RPGRIP1L: variants seen among roughly 807,000 people sequenced by gnomAD.
RPGRIP1L encodes the protein RPGRIP1 like, also known as protein fantom.
Under a neutral mutation model 160.4 loss-of-function variants are expected in RPGRIP1L, and 131 were observed. That is an observed-to-expected ratio of 0.82 (90% CI 0.71 to 0.94). The LOEUF (loss-of-function observed/expected upper bound fraction) is 0.94. Among genes scored for constraint, RPGRIP1L ranks in the 40% least tolerant of loss-of-function variants. The pLI is 0.00. For missense variants in RPGRIP1L, 1,522 were observed against 1,535.8 expected, an observed-to-expected ratio of 0.99 and a Z score of 0.15; for synonymous variants, 510 against 515.8, an observed-to-expected ratio of 0.99 and a Z score of 0.15.
At chr16:53,651,674 T>C (rs959179863) in intron 15 of RPGRIP1L, among the ~76,000 whole-genome samples, 1 of 152,144 alleles carries the variant, frequency 6.6e-6, no homozygotes, top group African/African-American at 2.4e-5. Context: ...GAGAAGCCCT[T>C]ACCTGAATTT....
At chr16:53,606,958 T>A (rs1963728490) in intron 25 of RPGRIP1L, among the ~76,000 whole-genome samples, 1 of 152,084 alleles carries the variant, frequency 6.6e-6, no homozygotes, top group African/African-American at 2.4e-5. Flanking sequence ...TAGGTCAAAA[T>A]CAAAGTTAAC....
intron 22 of RPGRIP1L, among the ~76,000 whole-genome samples, chr16:53,624,525 CAG>C (rs1567806827): frequency 2.0e-5 from 3 of 150,980 alleles, no homozygotes; most frequent in African/African-American, 7.3e-5. Flanking sequence ...GTCTAGGTGA[CAG>C]AGCGAGACTC....
chr16:53,681,116 C>A (rs905077055), intron 6 of RPGRIP1L, among the ~76,000 whole-genome samples: 1 of 151,786 alleles, frequency 6.6e-6, no homozygotes, highest in Non-Finnish European at 1.5e-5. Flanking sequence ...AAAGAGTGAG[C>A]CCTGAAAGCC....
intron 21 of RPGRIP1L, among the ~76,000 whole-genome samples, chr16:53,637,438 A>G (rs1427556711): frequency 8.5e-5 from 13 of 152,216 alleles, no homozygotes; most frequent in Admixed American, 8.5e-4. Flanking sequence ...AAAACTGTTT[A>G]AAACATAAAT....
At chr16:53,611,956 C>T (rs545940468) in intron 24 of RPGRIP1L, among the ~76,000 whole-genome samples, 26 of 152,290 alleles carry the variant, frequency 1.7e-4, no homozygotes, top group African/African-American at 6.0e-4. Flanking sequence ...AAAGATATCA[C>T]GATAGTTCTA....
At chr16:53,660,564 TA>T (rs66703223) in intron 10 of RPGRIP1L, among the ~76,000 whole-genome samples, 8,731 of 142,178 alleles carry the variant, frequency 0.061, 419 homozygotes, top group East Asian at 0.31. Flanking sequence ...AATAAAAAAA[TA>T]AAAAAAAAAA....
chr16:53,702,543 T>C (rs1971520729), intron 1 of RPGRIP1L, among the ~76,000 whole-genome samples: 1 of 152,218 alleles, frequency 6.6e-6, no homozygotes. Context: ...GAACCCCCCA[T>C]ACCCTTGTCT....
At chr16:53,628,874 T>C (rs1965335948) in intron 22 of RPGRIP1L, 1 of 152,350 alleles carries the variant, frequency 6.6e-6, no homozygotes. Context: ...TAAATTACTA[T>C]GTCCTTGCAG....
intron 1 of RPGRIP1L, among the ~76,000 whole-genome samples, chr16:53,702,124 T>TG (rs1313458542): frequency 6.6e-6 from 1 of 152,228 alleles, no homozygotes. Flanking sequence ...GCTTACTATG[T>TG]GCCAGGTACT....
chr16:53,682,737 T>G (rs887923261), intron 6 of RPGRIP1L, among the ~76,000 whole-genome samples: 5 of 152,142 alleles, frequency 3.3e-5, no homozygotes, highest in Non-Finnish European at 7.4e-5. Flanking sequence ...CCATATTCAG[T>G]GTTGAGAGGT....
At chr16:53,677,403 C>T (rs1032911843) in intron 6 of RPGRIP1L, among the ~76,000 whole-genome samples, 2 of 151,994 alleles carry the variant, frequency 1.3e-5, no homozygotes, top group African/African-American at 2.4e-5. Context: ...ATTACTTTTA[C>T]GTATCAGTTT....
In RPGRIP1L at chr16:53,641,471, T is replaced by C; in HGVS notation, c.2688A>G (p.Ile896Met). Reference sequence around the variant, plus strand: ...GCTTTTGATGGTCTGTTAACTCAAATATTCCTGTCAAATTACAATAATTTT... The same window carrying C: ...GCTTTTGATGGTCTGTTAACTCAAACATTCCTGTCAAATTACAATAATTTT... ...SLAHDRCISGIFELTDHQKHP... is the reference protein window; with the variant it reads ...SLAHDRCISGMFELTDHQKHP... Residue 896 changes from isoleucine (I) to methionine (M), a missense_variant, in exon 18 of 27, where the codon ATA becomes ATG. Physicochemically the swap from Ile to Met is conservative, Grantham distance 10. Transcript: ENST00000647211. The C allele has an allele frequency of 6.2e-7, 1 of 1,612,158 alleles. No homozygotes were observed. The highest frequency in any genetic ancestry group is 8.5e-7 in the Non-Finnish European group (1 of 1,178,288).
chr16:53,691,803 G>A (rs1465775202), intron 4 of RPGRIP1L, among the ~76,000 whole-genome samples: 3 of 152,074 alleles, frequency 2.0e-5, no homozygotes, highest in African/African-American at 4.8e-5. Flanking sequence ...CAACCCAAAC[G>A]CAATTCAACT....
At chr16:53,628,105 A>T (rs1259584665) in intron 22 of RPGRIP1L, among the ~76,000 whole-genome samples, 1 of 151,306 alleles carries the variant, frequency 6.6e-6, no homozygotes, top group Admixed American at 6.6e-5. Context: ...AATTGGTATT[A>T]TTTATAAAAA....
At chr16:53,678,917 G>C (rs1969402620) in intron 6 of RPGRIP1L, among the ~76,000 whole-genome samples, 1 of 152,168 alleles carries the variant, frequency 6.6e-6, no homozygotes, top group Admixed American at 6.5e-5. Flanking sequence ...GGGATACACA[G>C]ATAACAATCA....
chr16:53,622,261 G>A lies in RPGRIP1L; in HGVS notation c.3390C>T (p.Ala1130=), dbSNP rs749377120. 1.5e-6 allele frequency: 1 copy of A among 662,934 alleles called. No individual in the cohort carries two copies. Among genetic ancestry groups the A allele is most frequent in the Middle Eastern group, 3.9e-4 (1 of 2,572 alleles). The allele number at this position is 662,934 out of a possible 1,614,324, so 41.1% of individuals were successfully genotyped here. A position where few individuals can be genotyped will look rare whatever the true frequency, so the allele number is the denominator to read the frequency against. The part of the protein sequence containing the change: ...LPGSSDFPAS[A]SQVDGITGAC... ...CACCTGTAATCCCATCTACTTGGGA[G>A]GCTGAGGCAGGAAAATCGCTGGAAC... Residue 1130 remains alanine (A), a synonymous_variant, in exon 23 of 27, where the codon GCC becomes GCT. Coordinates refer to ENST00000647211, the MANE Select transcript of RPGRIP1L (RefSeq NM_015272.5).
At chr16:53,659,810 G>A (rs553678195) in intron 10 of RPGRIP1L, 1 of 152,202 alleles carries the variant, frequency 6.6e-6, no homozygotes, top group African/African-American at 2.4e-5. Context: ...AGCCTGGGGA[G>A]TTGAGGCTGC....
chr16:53,624,426 G>A (rs562609743), intron 22 of RPGRIP1L, among the ~76,000 whole-genome samples: 156 of 151,976 alleles, frequency 1.0e-3, no homozygotes, highest in African/African-American at 3.4e-3. Context: ...GGTGGCACGC[G>A]CCTGGTACTC....
chr16:53,677,304 G>T, intron 6 of RPGRIP1L, among the ~76,000 whole-genome samples: 1 of 152,152 alleles, frequency 6.6e-6, no homozygotes, highest in East Asian at 1.9e-4. Context: ...TAACAACGTG[G>T]TATAATAATG....
Sources: allele counts gnomAD v4.1 joint callset (sites outside exome capture counted in the v4.1 genomes callset), GRCh38; gene constraint gnomAD v4.1.1; transcripts MANE v1.5; gene names NCBI Gene and HGNC (gene_info 2026-07-23, HGNC 2026-07-21).